LIG1: variants seen among roughly 807,000 people sequenced by gnomAD.
LIG1 encodes ligase I, DNA, ATP-dependent.
A neutral mutation model predicts 115.7 loss-of-function variants in LIG1; 70 were observed. The observed-to-expected ratio is 0.60, with a 90% CI of 0.50 to 0.74. The LOEUF (loss-of-function observed/expected upper bound fraction) is 0.74. Among genes scored for constraint, LIG1 ranks in the 30% least tolerant of loss-of-function variants. The pLI is 0.00. For synonymous variants in LIG1, 487 were observed against 495.3 expected, an observed-to-expected ratio of 0.98 and a Z score of 0.22; for missense variants, 1,115 against 1,225.6, an observed-to-expected ratio of 0.91 and a Z score of 1.35.
intron 26 of LIG1, 62 bp downstream of exon 26, chr19:48,117,576 T>C: frequency 6.3e-7 from 1 of 1,577,946 alleles, no homozygotes; most frequent in Non-Finnish European, 8.6e-7. Context: ...CTCCCTACTC[T>C]GCTCTCTGTG....
chr19:48,129,151 C>T (rs139279391), intron 19 of LIG1, among the ~76,000 whole-genome samples: 1,682 of 152,260 alleles, frequency 0.011, 38 homozygotes, highest in African/African-American at 0.037. Flanking sequence ...CTCCCACGTT[C>T]AAGTGATTCT....
intron 9 of LIG1, among the ~76,000 whole-genome samples, chr19:48,146,723 CAG>C (rs2035138250): frequency 6.6e-6 from 1 of 152,186 alleles, no homozygotes; most frequent in South Asian, 2.1e-4. Context: ...AAATAGAAAA[CAG>C]AACTTTATAT....
chr19:48,120,431 G>A, intron 24 of LIG1: 9 of 985,410 alleles, frequency 9.1e-6, no homozygotes, highest in Non-Finnish European at 9.6e-6. Context: ...ACTACTGCGT[G>A]TCTCTGGGTG....
Position 48,140,131 on chromosome 19 carries a change from C to T in LIG1, c.927G>A (p.Val309=). ...IEEVSARLRM[V]ETLSNLLRSV... Reference sequence around the variant, plus strand: ...AGCGCAGCAAGTTGCTCAGCGTCTCCACCATCCGGAGCCTGGAGGAGGGGA... The same window carrying T: ...AGCGCAGCAAGTTGCTCAGCGTCTCTACCATCCGGAGCCTGGAGGAGGGGA... Residue 309 remains valine, a synonymous_variant, in exon 12 of 28, where the codon GTG becomes GTA. Transcript: ENST00000263274. The T allele has an allele frequency of 6.2e-7, 1 of 1,612,614 alleles. No homozygotes were observed. The highest frequency in any genetic ancestry group is 1.1e-5 in the South Asian group (1 of 91,052).
chr19:48,118,060 A>G (rs983982570), intron 25 of LIG1, among the ~76,000 whole-genome samples: 3 of 152,192 alleles, frequency 2.0e-5, no homozygotes, highest in Non-Finnish European at 2.9e-5. Flanking sequence ...AGATGGAAAG[A>G]AATGAAAGGC....
At position 48,165,542 on chromosome 19, in the gene LIG1, G is replaced by A. The variant is rs202166323; in HGVS notation, c.17+8C>T. On this transcript the variant is annotated splice_region_variant and intron_variant, in intron 2 of 27. Coordinates refer to ENST00000263274, the MANE Select transcript of LIG1 (RefSeq NM_000234.3). ...AGGAAAGACTCAGGGGCAAGGGAGG[G>A]TGCTCACATGATACTTCGCTGCATG... The A allele has an allele frequency of 3.2e-4, 513 of 1,605,938 alleles. 1 individual carries two copies. Among genetic ancestry groups the A allele is most frequent in the Non-Finnish European group, 4.0e-4 (472 of 1,172,546 alleles).
chr19:48,132,937 T>C, intron 18 of LIG1, 45 bp downstream of exon 18: 1 of 1,415,568 alleles, frequency 7.1e-7, no homozygotes, highest in South Asian at 1.1e-5. Flanking sequence ...CCCTGCTCTT[T>C]GACGTTTTCC....
chr19:48,149,803 C>T lies in LIG1; in HGVS notation c.736G>A (p.Glu246Lys), dbSNP rs781122161. The stretch of plus-strand genomic sequence containing the variant: ...TCCTTTCCTGGAGCCCCTGGCTCCT[C>T]TTCCTTCACTTCTTTTTTGACTGCT... ...KPAVKKEVKE[E>K]EPGAPGKEGA... Residue 246 changes from glutamate (E) to lysine (K), a missense_variant, in exon 9 of 28, where the codon GAG becomes AAG. Physicochemically the swap from Glu to Lys is moderately conservative, Grantham distance 56. Transcript: ENST00000263274. The T allele has an allele frequency of 6.2e-7, 1 of 1,614,166 alleles. No individual in the cohort carries two copies. The highest frequency in any genetic ancestry group is 8.5e-7 in the Non-Finnish European group (1 of 1,180,012).
chr19:48,148,456 C>A (rs1276145383), intron 9 of LIG1, among the ~76,000 whole-genome samples: 2 of 136,392 alleles, frequency 1.5e-5, no homozygotes, highest in Non-Finnish European at 3.1e-5. Context: ...GCCTGGGCAA[C>A]AGAGTGAGAT....
At chr19:48,130,035 C>T (rs181404460) in intron 19 of LIG1, among the ~76,000 whole-genome samples, 8 of 152,320 alleles carry the variant, frequency 5.3e-5, no homozygotes, top group Admixed American at 2.6e-4. Context: ...GGATTACAGG[C>T]GTGGGCCACT....
In LIG1 at chr19:48,157,091, G is replaced by A; in HGVS notation, c.293C>T (p.Ser98Phe). ...SQVSPPRPAT[S>F]PENNASLSDT... The stretch of plus-strand genomic sequence containing the variant: ...AGAGAGGGAAGCATTGTTCTCAGGA[G>A]ATGTGGCAGGACGGGGCGGGGAGAC... Residue 98 changes from serine to phenylalanine, a missense_variant, in exon 5 of 28, where the codon TCT becomes TTT. Physicochemically the swap from Ser to Phe is radical, Grantham distance 155. Transcript: ENST00000263274. 1.2e-6 allele frequency: 2 copies of A among 1,613,774 alleles called. No homozygotes were observed. The highest frequency in any genetic ancestry group is 1.7e-6 in the Non-Finnish European group (2 of 1,179,776).
rs1568544919 is a variant in LIG1 at position 48,156,997 on chromosome 19, G to T, written c.370+17C>A. On this transcript the variant is annotated intron_variant, in intron 5 of 27. Coordinates refer to ENST00000263274, the MANE Select transcript of LIG1 (RefSeq NM_000234.3). ...AAAGGCAGGCGACTGAAGGGGCAGG[G>T]GCCCGTGTGTTCTCACCTGTGCGAC... The T allele has an allele frequency of 1.4e-6, 2 of 1,407,708 alleles. 1 individual carries two copies. Among genetic ancestry groups the T allele is most frequent in the Non-Finnish European group, 2.0e-6 (2 of 1,002,104 alleles). The allele number at this position is 1,407,708 out of a possible 1,614,324, so 87.2% of individuals were successfully genotyped here.
Position 48,135,711 on chromosome 19 carries a change from C to T in LIG1, c.1492G>A (p.Glu498Lys). Residue 498 changes from glutamate to lysine, a missense_variant, in exon 16 of 28, where the codon GAG (glutamate) becomes AAG (lysine). Physicochemically the swap from Glu to Lys is moderately conservative, Grantham distance 56. Transcript: ENST00000263274. ...TAEARKTWLE[E>K]QGMILKQTFC... ...GTCTGCTTCAGGATCATGCCTTGCT[C>T]CTCCAGCCACGTCTTTCTGGCCTCT... is the stretch of plus-strand genomic sequence containing the variant. 1 of 1,614,174 alleles carries T rather than the reference C, an allele frequency of 6.2e-7. No homozygotes were observed. Among genetic ancestry groups the T allele is most frequent in the Non-Finnish European group, 8.5e-7 (1 of 1,180,010 alleles).
intron 24 of LIG1, 52 bp downstream of exon 24, chr19:48,121,118 A>G: frequency 6.2e-7 from 1 of 1,613,590 alleles, no homozygotes; most frequent in East Asian, 2.2e-5. Flanking sequence ...TACCCCCGGG[A>G]GTCTAATCTC....
chr19:48,168,114 C>T (rs1452070969), intron 1 of LIG1, among the ~76,000 whole-genome samples: 1 of 152,190 alleles, frequency 6.6e-6, no homozygotes, highest in Non-Finnish European at 1.5e-5. Flanking sequence ...TTCAAAGGAA[C>T]TTAACCTGCA....
At chr19:48,157,243 T>C in intron 4 of LIG1, 103 bp from the exon 5 acceptor site, 2 of 1,314,214 alleles carry the variant, frequency 1.5e-6, no homozygotes, top group Non-Finnish European at 2.1e-6. Context: ...TCTACCCTCC[T>C]TTCTGACCCT....
chr19:48,165,280 G>A (rs1246912029), intron 2 of LIG1, among the ~76,000 whole-genome samples: 8 of 151,894 alleles, frequency 5.3e-5, no homozygotes, highest in African/African-American at 1.7e-4. Flanking sequence ...ATCTCCAGAC[G>A]CTGCCAGATG....
rs1040293485 is a variant in LIG1 at position 48,121,322 on chromosome 19, G to C, written c.2233C>G (p.Leu745Val). 6 of 1,596,812 alleles carry C rather than the reference G, an allele frequency of 3.8e-6. No individual in the cohort carries two copies. In the African/African-American group the frequency reaches 5.4e-5, roughly 14 times the overall value. ...IAKRSHNWLK[L>V]KKDYLDGVGD... The stretch of plus-strand genomic sequence containing the variant: ...ACGCCATCAAGGTAGTCCTTCTTCA[G>C]CTGGGAGAAGGGGAGGCAAGAGATG... The change falls in exon 24 of 28, where the codon CTG becomes GTG. Residue 745 changes from leucine (L) to valine (V), a missense_variant and splice_region_variant. Physicochemically the swap from Leu to Val is conservative, Grantham distance 32. Transcript: ENST00000263274.
At chr19:48,120,166 C>A (rs1262592291) in intron 24 of LIG1, 1 of 984,812 alleles carries the variant, frequency 1.0e-6, no homozygotes, top group Non-Finnish European at 1.2e-6. Flanking sequence ...AATCACATTA[C>A]CCATCAGAAC....
Sources: gnomAD v4.1 joint callset for allele counts (sites outside exome capture counted in the v4.1 genomes callset) on GRCh38, gnomAD v4.1.1 for gene constraint, MANE v1.5 for transcripts, NCBI Gene and HGNC (gene_info 2026-07-23, HGNC 2026-07-21) for gene names.